SGCZ: variants seen among roughly 807,000 people sequenced by gnomAD.
The protein encoded by SGCZ is zeta-sarcoglycan.
Under a neutral mutation model 41.3 loss-of-function variants are expected in SGCZ, and 40 were observed. The ratio of observed to expected loss-of-function variants is 0.97; its 90% confidence interval spans 0.75 to 1.26. SGCZ has a LOEUF of 1.26. Ranked by LOEUF, SGCZ falls within the 50% of genes most tolerant of loss-of-function variation. SGCZ has a pLI of 0.00. For synonymous variants in SGCZ, 206 were observed against 137.5 expected, an observed-to-expected ratio of 1.50 and a Z score of -3.49; for missense variants, 552 against 369.8, an observed-to-expected ratio of 1.49 and a Z score of -4.04.
At chr8:14,148,208 G>C (rs1372911970) in intron 5 of SGCZ, among the ~76,000 whole-genome samples, 2 of 151,716 alleles carry the variant, frequency 1.3e-5, no homozygotes, top group Admixed American at 6.6e-5. Flanking sequence ...TATTAGAGCA[G>C]AGATAAATGA....
intron 1 of SGCZ, among the ~76,000 whole-genome samples, chr8:15,019,723 T>C (rs1251315916): frequency 6.6e-6 from 1 of 151,750 alleles, no homozygotes; most frequent in Non-Finnish European, 1.5e-5. Context: ...TGTCCTCCAA[T>C]CTGACTGGCA....
chr8:14,551,725 C>T (rs1194662147), intron 2 of SGCZ, among the ~76,000 whole-genome samples: 2 of 95,268 alleles, frequency 2.1e-5, no homozygotes, highest in South Asian at 5.4e-4. Context: ...AGTCTTTCAT[C>T]CTGTAATATA....
rs147755375 is a variant in SGCZ at position 14,758,927 on chromosome 8, G to C, written c.40-204001C>G. 2.9e-3 allele frequency among the ~76,000 whole-genome samples: 428 copies of C among 149,788 alleles called. 3 individuals are homozygous for C. Among genetic ancestry groups the C allele is most frequent in the African/African-American group, 9.5e-3 (386 of 40,420 alleles). On this transcript the variant is annotated intron_variant, in intron 1 of 7. Coordinates refer to ENST00000382080, the MANE Select transcript of SGCZ (RefSeq NM_139167.4). ...GGAGGCTGAGGCAGGAGAATCAGTT[G>C]AACCCAGGAGGCAGAGGTTGCAGTG...
chr8:14,534,914 T>C (rs1280392875), intron 2 of SGCZ, among the ~76,000 whole-genome samples: 1 of 152,002 alleles, frequency 6.6e-6, no homozygotes, highest in East Asian at 1.9e-4. Flanking sequence ...CAGATCAACA[T>C]TACTGTTCTT....
At chr8:14,708,688 T>C (rs947690700) in intron 1 of SGCZ, among the ~76,000 whole-genome samples, 5 of 152,120 alleles carry the variant, frequency 3.3e-5, no homozygotes, top group Admixed American at 6.6e-5. Context: ...TTAACAAACA[T>C]ACTACTTTTT....
intron 2 of SGCZ, among the ~76,000 whole-genome samples, chr8:14,437,704 T>C (rs564151405): frequency 2.0e-5 from 3 of 151,866 alleles, no homozygotes; most frequent in African/African-American, 7.2e-5. Context: ...TTAGAATTGA[T>C]AAATAAAAAT....
At chr8:14,917,987 T>C (rs980364775) in intron 1 of SGCZ, among the ~76,000 whole-genome samples, 1 of 152,166 alleles carries the variant, frequency 6.6e-6, no homozygotes, top group Non-Finnish European at 1.5e-5. Flanking sequence ...TTATTATTAT[T>C]TTATTTAAAT....
chr8:14,202,418 G>T (rs1467769732), intron 4 of SGCZ, among the ~76,000 whole-genome samples: 1 of 152,010 alleles, frequency 6.6e-6, no homozygotes, highest in Non-Finnish European at 1.5e-5. Flanking sequence ...AAGACACTAA[G>T]TTTGTGGTAA....
chr8:15,065,605 G>A (rs995017457), intron 1 of SGCZ, among the ~76,000 whole-genome samples: 4 of 151,792 alleles, frequency 2.6e-5, no homozygotes, highest in Admixed American at 6.6e-5. Flanking sequence ...CCCAGCTAAC[G>A]TTTTTGTATT....
intron 1 of SGCZ, among the ~76,000 whole-genome samples, chr8:14,708,787 C>T (rs1421403418): frequency 6.7e-6 from 1 of 149,860 alleles, no homozygotes; most frequent in Non-Finnish European, 1.5e-5. Flanking sequence ...TCAGTAAGAA[C>T]ACACTTGGAA....
chr8:14,438,407 C>A (rs1269409969), intron 2 of SGCZ, among the ~76,000 whole-genome samples: 2 of 151,864 alleles, frequency 1.3e-5, no homozygotes, highest in Non-Finnish European at 2.9e-5. Flanking sequence ...TGTTTTCACA[C>A]CCAAATTATG....
chr8:15,231,362 G>A (rs936306796), intron 1 of SGCZ, among the ~76,000 whole-genome samples: 6 of 151,954 alleles, frequency 3.9e-5, no homozygotes, highest in Admixed American at 6.6e-5. Flanking sequence ...TTCAGTCAAC[G>A]TACAAACATG....
chr8:14,961,387 G>C (rs770966343), intron 1 of SGCZ, among the ~76,000 whole-genome samples: 25 of 152,016 alleles, frequency 1.6e-4, no homozygotes, highest in Non-Finnish European at 3.1e-4. Context: ...GGCTACAGAG[G>C]AATAGAATGT....
At chr8:14,966,467 G>C (rs146039633) in intron 1 of SGCZ, among the ~76,000 whole-genome samples, 7 of 151,960 alleles carry the variant, frequency 4.6e-5, no homozygotes, top group African/African-American at 1.7e-4. Context: ...GGGAATAAAA[G>C]ATTACAGAGG....
At chr8:14,999,689 G>A (rs891705045) in intron 1 of SGCZ, among the ~76,000 whole-genome samples, 2 of 152,076 alleles carry the variant, frequency 1.3e-5, no homozygotes, top group African/African-American at 2.4e-5. Context: ...CCCTTACTCC[G>A]GAGCTTCTTC....
At chr8:14,476,731 T>C (rs1440055912) in intron 2 of SGCZ, among the ~76,000 whole-genome samples, 2 of 152,330 alleles carry the variant, frequency 1.3e-5, no homozygotes, top group Non-Finnish European at 2.9e-5. Flanking sequence ...TTAAGATTCA[T>C]ACTTTCAGAT....
chr8:14,831,461 C>T (rs538592477), intron 1 of SGCZ, among the ~76,000 whole-genome samples: 1 of 152,136 alleles, frequency 6.6e-6, no homozygotes, highest in Admixed American at 6.5e-5. Flanking sequence ...GGACACAGTG[C>T]TCCAGAGTTC....
chr8:15,067,406 C>A (rs765745310), intron 1 of SGCZ, among the ~76,000 whole-genome samples: 1 of 152,112 alleles, frequency 6.6e-6, no homozygotes, highest in Admixed American at 6.6e-5. Flanking sequence ...TTTTCAGGTA[C>A]GTAAATCTTA....
At chr8:15,057,488 G>A (rs1326244317) in intron 1 of SGCZ, among the ~76,000 whole-genome samples, 1 of 152,092 alleles carries the variant, frequency 6.6e-6, no homozygotes, top group Non-Finnish European at 1.5e-5. Context: ...CAATCCACAT[G>A]TTACCAGGTC....
Sources: allele counts gnomAD v4.1 joint callset (sites outside exome capture counted in the v4.1 genomes callset), GRCh38; gene constraint gnomAD v4.1.1; transcripts MANE v1.5; gene names NCBI Gene and HGNC (gene_info 2026-07-23, HGNC 2026-07-21).